MEGF11: variants seen among roughly 807,000 people sequenced by gnomAD.
MEGF11 encodes the protein multiple EGF like domains 11.
A neutral mutation model predicts 146.6 loss-of-function variants in MEGF11; 126 were observed. The ratio of observed to expected loss-of-function variants is 0.86; its 90% CI spans 0.74 to 1.00. The LOEUF (loss-of-function observed/expected upper bound fraction) is 1.00. Among genes scored for constraint, MEGF11 ranks in the 50% least tolerant of loss-of-function variants. MEGF11 has a pLI of 0.00. For missense variants in MEGF11, 1,509 were observed against 1,521.2 expected (o/e 0.99, Z 0.13); for synonymous variants, 532 against 583.4 (o/e 0.91, Z 1.27).
intron 4 of MEGF11, among the ~76,000 whole-genome samples, chr15:66,096,906 G>A (rs1407343843): frequency 6.6e-6 from 1 of 152,156 alleles, no homozygotes; most frequent in Non-Finnish European, 1.5e-5. Flanking sequence ...GAGACCAGCA[G>A]GACAGTCTGC....
At chr15:66,026,384 T>C (rs2083332255) in intron 5 of MEGF11, among the ~76,000 whole-genome samples, 1 of 152,216 alleles carries the variant, frequency 6.6e-6, no homozygotes, top group Non-Finnish European at 1.5e-5. Context: ...TCTTTGTTCA[T>C]TGCCAGCCCT....
intron 8 of MEGF11, among the ~76,000 whole-genome samples, chr15:65,967,971 G>T (rs1314437521): frequency 6.6e-6 from 1 of 152,130 alleles, no homozygotes; most frequent in Non-Finnish European, 1.5e-5. Context: ...AGTTAAGGAG[G>T]CTGCCATGAG....
chr15:66,224,710 CAT>C (rs2091814176), intron 1 of MEGF11, among the ~76,000 whole-genome samples: 1 of 143,390 alleles, frequency 7.0e-6, no homozygotes, highest in African/African-American at 2.6e-5. Flanking sequence ...TTTATATATA[CAT>C]TTTATATATA....
intron 1 of MEGF11, among the ~76,000 whole-genome samples, chr15:66,202,696 G>A (rs112032068): frequency 3.9e-5 from 6 of 152,164 alleles, no homozygotes; most frequent in African/African-American, 7.2e-5. Flanking sequence ...AACTTCCTTC[G>A]GGCCTCTGGC....
rs757787591 is a variant in MEGF11 at position 65,982,366 on chromosome 15, C to T, written c.517G>A (p.Glu173Lys). ...TGGGTGCCAGGTGCGCAGAGCTCCTCGCAGCGCCATCCACGGAAGCCGGCG... is the reference window on the plus strand; with the variant it reads ...TGGGTGCCAGGTGCGCAGAGCTCCTTGCAGCGCCATCCACGGAAGCCGGCG... ...CAAGFRGWRCEELCAPGTHGK... is the reference protein window; with the variant it reads ...CAAGFRGWRCKELCAPGTHGK... Residue 173 changes from glutamate to lysine, a missense_variant, in exon 6 of 26, where the codon GAG (glutamate) becomes AAG (lysine). Physicochemically the swap from Glu to Lys is moderately conservative, Grantham distance 56. Coordinates refer to ENST00000395614, the MANE Select transcript of MEGF11 (RefSeq NM_001385028.1). This position sits in a 1 kb window ranked among gnomAD's most constrained non-coding sequence, Gnocchi z 5.6. 1.4e-4 allele frequency: 217 copies of T among 1,534,278 alleles called. No individual in the cohort carries two copies. The highest frequency in any genetic ancestry group is 1.8e-4 in the Non-Finnish European group (208 of 1,142,646).
At chr15:66,042,528 G>A (rs574758954) in intron 5 of MEGF11, among the ~76,000 whole-genome samples, 1 of 152,084 alleles carries the variant, frequency 6.6e-6, no homozygotes, top group African/African-American at 2.4e-5. Context: ...CACTGGGGGG[G>A]AACATATCAG....
intron 17 of MEGF11, 69 bp downstream of exon 17, chr15:65,916,759 T>C (rs755699026): frequency 3.8e-6 from 6 of 1,569,880 alleles, no homozygotes; most frequent in Non-Finnish European, 5.2e-6. Context: ...GTCTGGACAA[T>C]GCCCACAGTG....
intron 1 of MEGF11, among the ~76,000 whole-genome samples, chr15:66,151,243 C>T (rs1040448068): frequency 2.0e-5 from 3 of 152,176 alleles, no homozygotes; most frequent in African/African-American, 7.2e-5. Flanking sequence ...GCCCCTCAGA[C>T]TCCTCCCTAG....
intron 1 of MEGF11, among the ~76,000 whole-genome samples, chr15:66,149,504 C>A (rs1017295211): frequency 6.6e-6 from 1 of 152,190 alleles, no homozygotes; most frequent in African/African-American, 2.4e-5. Flanking sequence ...CCATGGATCT[C>A]TTCAGCCTAT....
At position 65,898,843 on chromosome 15, in the gene MEGF11, G is replaced by A. The variant is rs764144723; in HGVS notation, c.3147C>T (p.Leu1049=). ...AGCTGCTTTCTGGAAGCTTGCAGGT[G>A]AGGATGGGTGGGTCCTTAATTGTGG... is the stretch of plus-strand genomic sequence containing the variant. ...PYATIKDPPI[L]TCKLPESSYV... is the part of the protein sequence containing the mutation. Residue 1049 remains leucine (L), a synonymous_variant, in exon 25 of 26, where the codon CTC becomes CTT. Coordinates refer to ENST00000395614, the MANE Select transcript of MEGF11 (RefSeq NM_001385028.1). The A allele has an allele frequency of 8.7e-6, 14 of 1,613,894 alleles. No individual in the cohort carries two copies. The Admixed American group carries it at 1.7e-4, about 19-fold the overall frequency.
At position 65,916,689 on chromosome 15, in the gene MEGF11, G is replaced by A. The variant is rs147700338; in HGVS notation, c.2215+139C>T. ...GCCCCTGCAGAGCTCCTCAGTTCTCGTGGGGCAGGAGTCAGGTACCACCAG... is the reference window on the plus strand; with the variant it reads ...GCCCCTGCAGAGCTCCTCAGTTCTCATGGGGCAGGAGTCAGGTACCACCAG... On this transcript the variant is annotated intron_variant, in intron 17 of 25. Transcript: ENST00000395614. 952 of 1,420,832 alleles carry A rather than the reference G, an allele frequency of 6.7e-4. 7 individuals are homozygous for A. In the African/African-American group the frequency reaches 0.012, roughly 18 times the overall value. The allele number at this position is 1,420,832 out of a possible 1,614,324, so 88.0% of individuals were successfully genotyped here.
intron 16 of MEGF11, 60 bp from the exon 17 acceptor site, chr15:65,917,016 GAGA>G: frequency 3.5e-6 from 5 of 1,429,698 alleles, no homozygotes; most frequent in Non-Finnish European, 4.6e-6. Context: ...GACGGAGAGG[GAGA>G]AGAAGGGGGA....
At position 65,961,127 on chromosome 15, in the gene MEGF11, C is replaced by T. The variant is rs2080843479; in HGVS notation, c.1113-3406G>A. ...TGATTGCCATGCTTGGAACCTTTGTCCCTCAGCAGAGTGACTTGCACAGCC... is the reference window on the plus strand; with the variant it reads ...TGATTGCCATGCTTGGAACCTTTGTTCCTCAGCAGAGTGACTTGCACAGCC... On this transcript the variant is annotated intron_variant, in intron 9 of 25. Transcript: ENST00000395614. 2.0e-5 allele frequency among the ~76,000 whole-genome samples: 3 copies of T among 152,278 alleles called. No individual in the cohort carries two copies. In the South Asian group the frequency reaches 6.2e-4, roughly 32 times the overall value.
intron 7 of MEGF11, among the ~76,000 whole-genome samples, chr15:65,980,395 C>CTTTTTTTTTTTTTTTTTTTT (rs60154748): frequency 2.3e-5 from 2 of 88,196 alleles, no homozygotes; most frequent in African/African-American, 9.9e-5. Context: ...AAGAATTCAG[C>CTTTTTTTTTTTTTTTTTTTT]TTTTTTTTTT....
chr15:65,984,747 A>C lies in MEGF11; in HGVS notation c.395-2259T>G, dbSNP rs545381770. 3.3e-5 allele frequency among the ~76,000 whole-genome samples: 5 copies of C among 151,948 alleles called. No homozygotes were observed. The East Asian group carries it at 5.8e-4, about 18-fold the overall frequency. On this transcript the variant is annotated intron_variant, in intron 5 of 25. Coordinates refer to ENST00000395614, the MANE Select transcript of MEGF11 (RefSeq NM_001385028.1). ...ATGTTGTGACTATTATGATAATGAC[A>C]ACCACATTTTACTTATTTATTTATT...
Position 66,102,877 on chromosome 15 carries a change from G to A in MEGF11, c.302-8383C>T, listed in dbSNP as rs551063061. Reference sequence around the variant, plus strand: ...GGCCTAGCGGTACAGCTTTCTCTGCGTTATCATGCTGTACTGGATAATAAG... The same window carrying A: ...GGCCTAGCGGTACAGCTTTCTCTGCATTATCATGCTGTACTGGATAATAAG... On this transcript the variant is annotated intron_variant, in intron 4 of 25. Coordinates refer to ENST00000395614, the MANE Select transcript of MEGF11 (RefSeq NM_001385028.1). 2.5e-4 allele frequency among the ~76,000 whole-genome samples: 38 copies of A among 152,294 alleles called. No homozygotes were observed. The South Asian group carries it at 4.3e-3, about 17-fold the overall frequency.
intron 9 of MEGF11, among the ~76,000 whole-genome samples, chr15:65,958,829 T>G (rs551067987): frequency 1.3e-5 from 2 of 152,328 alleles, no homozygotes; most frequent in East Asian, 3.8e-4. Flanking sequence ...CTGGAGCAGC[T>G]CAAACTAACA....
intron 5 of MEGF11, among the ~76,000 whole-genome samples, chr15:66,072,259 A>G (rs1382166261): frequency 1.3e-5 from 2 of 152,128 alleles, no homozygotes; most frequent in African/African-American, 4.8e-5. Flanking sequence ...CAGACCAAGA[A>G]TGAGGGCTGA....
chr15:65,987,414 T>C (rs2081901554), intron 5 of MEGF11, among the ~76,000 whole-genome samples: 1 of 152,232 alleles, frequency 6.6e-6, no homozygotes, highest in Non-Finnish European at 1.5e-5. Flanking sequence ...GCGTAGGTCC[T>C]AGGTTTTCCA....
Sources: allele counts gnomAD v4.1 joint callset (sites outside exome capture counted in the v4.1 genomes callset), GRCh38; gene constraint gnomAD v4.1.1; non-coding constraint Gnocchi (gnomAD v3.1); transcripts MANE v1.5; gene names NCBI Gene and HGNC (gene_info 2026-07-23, HGNC 2026-07-21).